The following STK32B variants were observed in gnomAD, a reference collection of about 807,000 sequenced individuals.
STK32B encodes the protein serine/threonine-protein kinase 32B.
STK32B carries 43 observed loss-of-function variants against 52.6 expected under a neutral mutation model. The ratio of observed to expected loss-of-function variants is 0.82; its 90% CI spans 0.64 to 1.05. STK32B has a LOEUF of 1.05. STK32B is among the 50% of genes least tolerant of loss of function. STK32B has a pLI of 0.00. For missense variants in STK32B, 621 were observed against 534.6 expected, an observed-to-expected ratio of 1.16 and a Z score of -1.59; for synonymous variants, 238 against 204.3, an observed-to-expected ratio of 1.17 and a Z score of -1.41.
intron 3 of STK32B, among the ~76,000 whole-genome samples, chr4:5,178,699 G>A (rs758530230): frequency 6.6e-6 from 1 of 152,190 alleles, no homozygotes; most frequent in South Asian, 2.1e-4. Context: ...GATCTCTAGG[G>A]CAAGGGCAAC....
intron 3 of STK32B, among the ~76,000 whole-genome samples, chr4:5,211,491 C>G (rs978775541): frequency 6.7e-6 from 1 of 148,476 alleles, no homozygotes; most frequent in Non-Finnish European, 1.5e-5. Flanking sequence ...AAGGAAAGAG[C>G]CAAACCACTG....
rs907566328 is a variant in STK32B, at chr4:5,380,736, C to A, written c.435-17471C>A. 6.6e-6 allele frequency among the ~76,000 whole-genome samples: 1 copy of A among 152,178 alleles called. No homozygotes were observed. The highest frequency in any genetic ancestry group is 1.5e-5 in the Non-Finnish European group (1 of 68,030). ...CTTTGAACAAAGGGCCCTGCATTTT[C>A]TTTTTGCACTGGACTCCACCCATTT... On this transcript the variant is annotated intron_variant, in intron 4 of 11. Transcript: ENST00000282908. The surrounding 1 kb of genome is among the most constrained non-coding windows in gnomAD (Gnocchi z 4.3).
chr4:5,328,898 C>G (rs771157038), intron 3 of STK32B, among the ~76,000 whole-genome samples: 2 of 152,128 alleles, frequency 1.3e-5, no homozygotes, highest in African/African-American at 4.8e-5. Context: ...TTATACTGGC[C>G]CTGAAACAGA....
At chr4:5,278,347 A>T (rs1345257338) in intron 3 of STK32B, among the ~76,000 whole-genome samples, 1 of 152,182 alleles carries the variant, frequency 6.6e-6, no homozygotes, top group Non-Finnish European at 1.5e-5. Context: ...CAGATCAAGG[A>T]GCTGAGCTGG....
chr4:5,088,060 A>G (rs1712835435), intron 1 of STK32B, among the ~76,000 whole-genome samples: 1 of 152,122 alleles, frequency 6.6e-6, no homozygotes, highest in African/African-American at 2.4e-5. Flanking sequence ...AACAGTCTCA[A>G]TAAGTTTAAA....
intron 3 of STK32B, among the ~76,000 whole-genome samples, chr4:5,297,316 G>A (rs1729267127): frequency 6.6e-6 from 1 of 152,128 alleles, no homozygotes; most frequent in South Asian, 2.1e-4. Flanking sequence ...GAATTTGAAT[G>A]TTGGCCTGTT....
chr4:5,331,424 C>G, intron 4 of STK32B, 31 bp downstream of exon 4: 2 of 1,585,880 alleles, frequency 1.3e-6, no homozygotes, highest in South Asian at 2.3e-5. Flanking sequence ...ATGCCTGGGA[C>G]AGAGGGACCA....
intron 1 of STK32B, among the ~76,000 whole-genome samples, chr4:5,123,368 T>C (rs1005407892): frequency 6.6e-6 from 1 of 152,190 alleles, no homozygotes; most frequent in Non-Finnish European, 1.5e-5. Flanking sequence ...AAATGAGGAT[T>C]GAAGGAGTTT....
intron 1 of STK32B, among the ~76,000 whole-genome samples, chr4:5,095,712 G>T (rs1346860044): frequency 2.0e-5 from 3 of 152,202 alleles, no homozygotes; most frequent in Non-Finnish European, 4.4e-5. Context: ...TTGGGTAAAT[G>T]TTGGAGAGTA....
At chr4:5,287,183 A>G (rs1297875964) in intron 3 of STK32B, among the ~76,000 whole-genome samples, 1 of 152,176 alleles carries the variant, frequency 6.6e-6, no homozygotes, top group African/African-American at 2.4e-5. Context: ...AGATACTGCC[A>G]AGTCGTTTCC....
At chr4:5,375,197 C>G (rs1216833867) in intron 4 of STK32B, among the ~76,000 whole-genome samples, 1 of 152,070 alleles carries the variant, frequency 6.6e-6, no homozygotes, top group East Asian at 1.9e-4. Context: ...CCAGCCTCGT[C>G]CCCCACTCTG....
In STK32B at chr4:5,378,697, C is replaced by T. The variant is rs559720968; in HGVS notation, c.435-19510C>T. Among the ~76,000 whole-genome samples the T allele has an allele frequency of 9.2e-5, 14 of 152,010 alleles. No individual in the cohort carries two copies. Among genetic ancestry groups the T allele is most frequent in the South Asian group, 2.1e-4 (1 of 4,822 alleles). ...GACATGCAGTGTGAAATAAGCACATCGTGGAGAATGGACTCTGCATTTTAG... is the reference window on the plus strand; with the variant it reads ...GACATGCAGTGTGAAATAAGCACATTGTGGAGAATGGACTCTGCATTTTAG... On this transcript the variant is annotated intron_variant, in intron 4 of 11. Coordinates refer to ENST00000282908, the MANE Select transcript of STK32B (RefSeq NM_018401.3). This position sits in a 1 kb window ranked among gnomAD's most constrained non-coding sequence, Gnocchi z 4.4.
chr4:5,404,368 A>G (rs912219918), intron 5 of STK32B, among the ~76,000 whole-genome samples: 1 of 151,906 alleles, frequency 6.6e-6, no homozygotes, highest in African/African-American at 2.4e-5. Flanking sequence ...TCGGCGTCCA[A>G]ATTTCTCCTT....
At position 5,373,312 on chromosome 4, in the gene STK32B, G is replaced by A. The variant is rs112259632; in HGVS notation, c.435-24895G>A. Among the ~76,000 whole-genome samples the A allele has an allele frequency of 7.3e-3, 1,119 of 152,304 alleles. 18 individuals are homozygous for A. Among genetic ancestry groups the A allele is most frequent in the African/African-American group, 0.025 (1,048 of 41,556 alleles). Reference sequence around the variant, plus strand: ...GCAAGTCCCAAGATCTGCAGTGGGAGCCAGCAGGTTCAACACCCATGTGAT... The same window carrying A: ...GCAAGTCCCAAGATCTGCAGTGGGAACCAGCAGGTTCAACACCCATGTGAT... On this transcript the variant is annotated intron_variant, in intron 4 of 11. Coordinates refer to ENST00000282908, the MANE Select transcript of STK32B (RefSeq NM_018401.3).
intron 3 of STK32B, among the ~76,000 whole-genome samples, chr4:5,212,529 A>T (rs1186816649): frequency 6.6e-6 from 1 of 152,212 alleles, no homozygotes; most frequent in African/African-American, 2.4e-5. Context: ...TTTCCTGCAG[A>T]AGCACCCCAT....
At chr4:5,233,480 C>A (rs1468874757) in intron 3 of STK32B, among the ~76,000 whole-genome samples, 1 of 151,910 alleles carries the variant, frequency 6.6e-6, no homozygotes, top group African/African-American at 2.4e-5. Context: ...AAAGGACTGG[C>A]AGTATCAATG....
In STK32B at chr4:5,479,365, C is replaced by T. The variant is rs138071395; in HGVS notation, c.1106+11295C>T. 6.2e-3 allele frequency among the ~76,000 whole-genome samples: 947 copies of T among 152,152 alleles called. 13 individuals are homozygous for T. Among genetic ancestry groups the T allele is most frequent in the African/African-American group, 0.022 (897 of 41,514 alleles). On this transcript the variant is annotated intron_variant, in intron 11 of 11. Coordinates refer to ENST00000282908, the MANE Select transcript of STK32B (RefSeq NM_018401.3). ...AATTCCCGACCTCAGGTGATCCACC[C>T]ACCTCACCCTCCCAAAGTGCTGGGA...
rs75502075 is a variant in STK32B, at chr4:5,380,696, G to T, written c.435-17511G>T. The stretch of plus-strand genomic sequence containing the variant: ...GATTTAATGCCCGGTACTTGCCATC[G>T]TGAAATCCTTAAAGCTTTGAACAAA... On this transcript the variant is annotated intron_variant, in intron 4 of 11. Transcript: ENST00000282908. This position sits in a 1 kb window ranked among gnomAD's most constrained non-coding sequence, Gnocchi z 4.3. Among the ~76,000 whole-genome samples the T allele has an allele frequency of 0.025, 3,748 of 152,262 alleles. 159 individuals are homozygous for T. Among genetic ancestry groups the T allele is most frequent in the African/African-American group, 0.084 (3,492 of 41,520 alleles).
intron 3 of STK32B, among the ~76,000 whole-genome samples, chr4:5,289,192 A>G (rs1442060697): frequency 6.6e-6 from 1 of 152,226 alleles, no homozygotes; most frequent in East Asian, 1.9e-4. Flanking sequence ...ACTAAATACC[A>G]TAGGCAGTTG....
Sources: gnomAD v4.1 joint callset for allele counts (sites outside exome capture counted in the v4.1 genomes callset) on GRCh38, gnomAD v4.1.1 for gene constraint, Gnocchi (gnomAD v3.1) non-coding constraint, MANE v1.5 for transcripts, NCBI Gene and HGNC (gene_info 2026-07-23, HGNC 2026-07-21) for gene names.